Variants in PLCB1 observed in about 807,000 individuals in gnomAD.
PLCB1 encodes phospholipase C beta 1.
PLCB1 carries 46 observed loss-of-function variants against 161.8 expected under a neutral mutation model. The observed-to-expected ratio is 0.28, with a 90% CI of 0.22 to 0.36. The LOEUF is 0.36. PLCB1 is among the 10% of genes least tolerant of loss of function. PLCB1 has a pLI of 1.00. For missense variants in PLCB1, 1,016 were observed against 1,472.5 expected (o/e 0.69, Z 5.07); for synonymous variants, 517 against 503.7 (o/e 1.03, Z -0.35).
At chr20:8,351,096 T>A (rs1459622115) in intron 2 of PLCB1, among the ~76,000 whole-genome samples, 6 of 152,074 alleles carry the variant, frequency 3.9e-5, no homozygotes, top group Admixed American at 3.9e-4. Flanking sequence ...GATTTAAGAC[T>A]TACTATAAAG....
chr20:8,319,976 C>A (rs1348864438), intron 2 of PLCB1, among the ~76,000 whole-genome samples: 1 of 151,766 alleles, frequency 6.6e-6, no homozygotes, highest in South Asian at 2.1e-4. Flanking sequence ...TACACATGCA[C>A]CCTAAAACTT....
intron 3 of PLCB1, among the ~76,000 whole-genome samples, chr20:8,465,618 G>A (rs1224655139): frequency 1.3e-5 from 2 of 152,120 alleles, no homozygotes; most frequent in Non-Finnish European, 2.9e-5. Context: ...GAAACCTGGA[G>A]TCAGTGTTAA....
chr20:8,793,916 G>T (rs1284727721), intron 31 of PLCB1, among the ~76,000 whole-genome samples: 1 of 152,114 alleles, frequency 6.6e-6, no homozygotes, highest in Non-Finnish European at 1.5e-5. Flanking sequence ...TGCCCGGGGG[G>T]CCAGTTTAGA....
chr20:8,708,876 C>A, intron 12 of PLCB1, 124 bp downstream of exon 12: 2 of 614,988 alleles, frequency 3.3e-6, no homozygotes, highest in Non-Finnish European at 5.8e-6. Context: ...TGTATATTAA[C>A]TGGCATGTTT....
At chr20:8,357,939 A>T (rs1986414968) in intron 2 of PLCB1, among the ~76,000 whole-genome samples, 2 of 152,318 alleles carry the variant, frequency 1.3e-5, no homozygotes, top group South Asian at 4.1e-4. Context: ...ATGCCTAAGC[A>T]TGTGCAGAAA....
chr20:8,460,360 C>T (rs1393058743), intron 3 of PLCB1, among the ~76,000 whole-genome samples: 1 of 152,228 alleles, frequency 6.6e-6, no homozygotes, highest in East Asian at 1.9e-4. Context: ...AGCCTGCTGA[C>T]ATTCAAGAGC....
chr20:8,546,751 CTG>C (rs1270759719), intron 3 of PLCB1, among the ~76,000 whole-genome samples: 5 of 150,956 alleles, frequency 3.3e-5, no homozygotes, highest in African/African-American at 9.7e-5. Context: ...TTTCTTCAAG[CTG>C]TGTGTCTGTA....
intron 31 of PLCB1, among the ~76,000 whole-genome samples, chr20:8,842,827 C>T (rs1986558112): frequency 6.6e-6 from 1 of 152,144 alleles, no homozygotes; most frequent in Non-Finnish European, 1.5e-5. Context: ...AAGCAGTTAG[C>T]TCAGGGGTTG....
rs144359199 is a variant in PLCB1, at chr20:8,731,553, C to A, written c.1889-1685C>A. 2.3e-4 allele frequency among the ~76,000 whole-genome samples: 35 copies of A among 152,010 alleles called. No homozygotes were observed. In the East Asian group the frequency reaches 6.6e-3, roughly 28 times the overall value. ...AGATATTCTTTAACATACTAAAGGACACGGGTCCTATTTGACTAATGTTTT... is the reference window on the plus strand; with the variant it reads ...AGATATTCTTTAACATACTAAAGGAAACGGGTCCTATTTGACTAATGTTTT... On this transcript the variant is annotated intron_variant, in intron 18 of 31. Transcript: ENST00000338037.
rs77684142 is a variant in PLCB1, at chr20:8,506,203, A to G, written c.247-122091A>G. Among the ~76,000 whole-genome samples, 1,343 of 152,318 alleles carry G rather than the reference A, an allele frequency of 8.8e-3. 25 individuals carry two copies. Among genetic ancestry groups the G allele is most frequent in the African/African-American group, 0.03 (1,266 of 41,570 alleles). On this transcript the variant is annotated intron_variant, in intron 3 of 31. Transcript: ENST00000338037. ...TTTGGAAGGTATTATTTGCGTTTAA[A>G]ACAAACTATTTGCCTATTGGCCATC... is the stretch of plus-strand genomic sequence containing the variant.
Position 8,881,949 on chromosome 20 carries a change from C to T in PLCB1, c.*100C>T. Reference sequence around the variant, plus strand: ...TGCCCAGGACCATCTTCCCGAGAAGCATCCCTTAGCCTAAAATCCACACCA... The same window carrying T: ...TGCCCAGGACCATCTTCCCGAGAAGTATCCCTTAGCCTAAAATCCACACCA... On this transcript the variant is annotated 3_prime_UTR_variant, in exon 32 of 32. Transcript: ENST00000338037. 1 of 768,080 alleles carries T rather than the reference C, an allele frequency of 1.3e-6. No homozygotes were observed. 47.6% of individuals were successfully genotyped at this position (768,080 alleles called of 1,614,324 possible). A position where few individuals can be genotyped will look rare whatever the true frequency, so the allele number is the denominator to read the frequency against.
rs969211326 is a variant in PLCB1 at position 8,692,078 on chromosome 20, C to T, written c.1010-5548C>T. On this transcript the variant is annotated intron_variant, in intron 10 of 31. Transcript: ENST00000338037. ...CTGGAAAGGCAAAGCAATCTATCTC[C>T]GGACAGCTAATATCTTCATTCAGAT... Among the ~76,000 whole-genome samples, 12 of 152,102 alleles carry T rather than the reference C, an allele frequency of 7.9e-5. No homozygotes were observed. In the South Asian group the frequency reaches 8.3e-4, roughly 11 times the overall value.
In PLCB1 at chr20:8,808,669, T is replaced by C. The variant is rs1376993319; in HGVS notation, c.3423+18408T>C. On this transcript the variant is annotated intron_variant, in intron 31 of 31. Coordinates refer to ENST00000338037, the MANE Select transcript of PLCB1 (RefSeq NM_015192.4). The stretch of plus-strand genomic sequence containing the variant: ...TTGACTTGCATAGTGATAGATAACA[T>C]AGGGTTCTAGAATAGTAACAGGTAT... 2.6e-5 allele frequency among the ~76,000 whole-genome samples: 4 copies of C among 152,174 alleles called. No individual in the cohort carries two copies. In the East Asian group the frequency reaches 5.8e-4, roughly 22 times the overall value.
intron 15 of PLCB1, among the ~76,000 whole-genome samples, chr20:8,724,212 T>C (rs1326565599): frequency 1.3e-5 from 2 of 151,708 alleles, no homozygotes; most frequent in East Asian, 3.9e-4. Flanking sequence ...GCCCTGAATT[T>C]AAAATAAATG....
chr20:8,443,363 C>T (rs890858236), intron 3 of PLCB1, among the ~76,000 whole-genome samples: 4 of 152,050 alleles, frequency 2.6e-5, no homozygotes, highest in African/African-American at 7.2e-5. Context: ...AATTATTGGC[C>T]GATGTGGAAG....
chr20:8,288,277 A>T (rs1437971935), intron 2 of PLCB1, among the ~76,000 whole-genome samples: 1 of 152,186 alleles, frequency 6.6e-6, no homozygotes, highest in East Asian at 1.9e-4. Flanking sequence ...GTAGCCATTC[A>T]TCTTGATATC....
chr20:8,529,707 CCTT>C (rs1425337752), intron 3 of PLCB1, among the ~76,000 whole-genome samples: 4 of 152,078 alleles, frequency 2.6e-5, no homozygotes, highest in African/African-American at 9.7e-5. Flanking sequence ...CTCACACCCT[CCTT>C]CTCCAGCCAT....
At chr20:8,335,818 ACTT>A (rs1267180812) in intron 2 of PLCB1, among the ~76,000 whole-genome samples, 1 of 152,224 alleles carries the variant, frequency 6.6e-6, no homozygotes, top group African/African-American at 2.4e-5. Flanking sequence ...TGACTTAGGA[ACTT>A]CTTTTTTCTA....
intron 2 of PLCB1, chr20:8,256,612 T>C (rs1981432588): frequency 6.6e-6 from 1 of 152,118 alleles, no homozygotes; most frequent in Non-Finnish European, 1.5e-5. Context: ...AATTTTTTGA[T>C]GGGAGAAATG....
Sources: gnomAD v4.1 joint callset for allele counts (sites outside exome capture counted in the v4.1 genomes callset) on GRCh38, gnomAD v4.1.1 for gene constraint, MANE v1.5 for transcripts, NCBI Gene and HGNC (gene_info 2026-07-23, HGNC 2026-07-21) for gene names.